Variants in ASTN1 observed in about 807,000 individuals in gnomAD.
The protein encoded by ASTN1 is astrotactin-1.
In ASTN1, 41 loss-of-function variants were observed where a neutral mutation model predicts 140.7. The ratio of observed to expected loss-of-function variants is 0.29; its 90% CI spans 0.23 to 0.38. The LOEUF is 0.38. ASTN1 is among the 10% of genes least tolerant of loss of function. The pLI is 1.00. For missense variants in ASTN1, 1,479 were observed against 1,678.8 expected, an observed-to-expected ratio of 0.88 and a Z score of 2.08; for synonymous variants, 640 against 652.2, an observed-to-expected ratio of 0.98 and a Z score of 0.29.
chr1:177,079,065 C>A (rs1206993114), intron 1 of ASTN1, among the ~76,000 whole-genome samples: 2 of 152,198 alleles, frequency 1.3e-5, no homozygotes, highest in African/African-American at 4.8e-5. Flanking sequence ...GCAACTTACT[C>A]TTTATGCTAA....
chr1:177,119,353 T>G (rs369459404), intron 1 of ASTN1, among the ~76,000 whole-genome samples: 3 of 152,224 alleles, frequency 2.0e-5, no homozygotes, highest in African/African-American at 7.2e-5. Flanking sequence ...ATTCACAGAT[T>G]GTTACATACC....
intron 1 of ASTN1, among the ~76,000 whole-genome samples, chr1:177,142,765 C>G (rs1332065944): frequency 1.3e-5 from 2 of 151,982 alleles, no homozygotes; most frequent in African/African-American, 4.8e-5. Flanking sequence ...ATTATTTAAT[C>G]CAGCAAGTTC....
intron 2 of ASTN1, among the ~76,000 whole-genome samples, chr1:177,056,037 C>T (rs1019077725): frequency 5.9e-5 from 9 of 152,106 alleles, no homozygotes; most frequent in East Asian, 1.9e-4. Flanking sequence ...AAATGAGGCA[C>T]GGCTTCAAGC....
At chr1:176,922,042 T>G (rs546455875) in intron 16 of ASTN1, among the ~76,000 whole-genome samples, 1 of 152,310 alleles carries the variant, frequency 6.6e-6, no homozygotes, top group African/African-American at 2.4e-5. Flanking sequence ...GGAAGAGAAT[T>G]CAGAGATTTG....
chr1:176,894,973 A>T, intron 16 of ASTN1, 143 bp from the exon 17 acceptor site: 1 of 1,221,186 alleles, frequency 8.2e-7, no homozygotes, highest in Non-Finnish European at 1.1e-6. Context: ...CTGCCATCCC[A>T]CTTAATTTGG....
At chr1:177,046,630 G>A (rs1677240059) in intron 2 of ASTN1, among the ~76,000 whole-genome samples, 1 of 152,144 alleles carries the variant, frequency 6.6e-6, no homozygotes, top group Admixed American at 6.5e-5. Context: ...ACCTTTTATA[G>A]TAATTTTGCT....
chr1:176,985,210 AG>A (rs2101887684), intron 8 of ASTN1, among the ~76,000 whole-genome samples: 1 of 152,252 alleles, frequency 6.6e-6, no homozygotes, highest in East Asian at 1.9e-4. Context: ...TAACATGAAA[AG>A]TCTTTTCCTA....
chr1:176,863,140 A>T lies in ASTN1; in HGVS notation c.*1144T>A. ...TGCAATCAGTGGTGCTTCCCTACAC[A>T]GAATCCCTGTGACTGGATGGGCAGT... On this transcript the variant is annotated 3_prime_UTR_variant, in exon 23 of 23. Transcript: ENST00000361833. The T allele has an allele frequency of 6.1e-6, 6 of 985,934 alleles. No homozygotes were observed. Among genetic ancestry groups the T allele is most frequent in the Non-Finnish European group, 7.2e-6 (6 of 829,952 alleles). The allele number at this position is 985,934 out of a possible 1,614,324, so 61.1% of individuals were successfully genotyped here.
intron 9 of ASTN1, among the ~76,000 whole-genome samples, chr1:176,964,875 C>A (rs1215408937): frequency 6.6e-6 from 1 of 152,078 alleles, no homozygotes; most frequent in African/African-American, 2.4e-5. Context: ...GTAATATAGC[C>A]CCATTTAACA....
chr1:177,007,942 T>C (rs1675078088), intron 8 of ASTN1, among the ~76,000 whole-genome samples: 1 of 152,240 alleles, frequency 6.6e-6, no homozygotes, highest in African/African-American at 2.4e-5. Flanking sequence ...GATGTCCTCT[T>C]AGCCTGATGT....
intron 1 of ASTN1, among the ~76,000 whole-genome samples, chr1:177,089,439 A>AAGAG (rs959935688): frequency 6.6e-6 from 1 of 152,060 alleles, no homozygotes; most frequent in African/African-American, 2.4e-5. Context: ...GAAATAGAAA[A>AAGAG]AGAGAGAGAG....
At chr1:176,985,056 T>C (rs1673820966) in intron 8 of ASTN1, among the ~76,000 whole-genome samples, 1 of 152,222 alleles carries the variant, frequency 6.6e-6, no homozygotes, top group Admixed American at 6.5e-5. Flanking sequence ...TGTGCCTTCA[T>C]GTCCCATAAG....
intron 1 of ASTN1, among the ~76,000 whole-genome samples, chr1:177,141,720 T>G (rs1682478158): frequency 1.3e-5 from 2 of 152,198 alleles, no homozygotes; most frequent in Non-Finnish European, 2.9e-5. Flanking sequence ...AAGGGATATT[T>G]TCATTTCCAA....
intron 1 of ASTN1, among the ~76,000 whole-genome samples, chr1:177,151,439 A>AT (rs1491139162): frequency 2.7e-5 from 4 of 147,540 alleles, no homozygotes; most frequent in African/African-American, 9.8e-5. Flanking sequence ...AAAAAAAAAA[A>AT]GAGAGAGAGA....
chr1:177,055,272 T>C (rs148269261), intron 2 of ASTN1, among the ~76,000 whole-genome samples: 132 of 152,288 alleles, frequency 8.7e-4, no homozygotes, highest in African/African-American at 3.0e-3. Context: ...AAGAACAAAA[T>C]AGATGAGCAA....
At chr1:177,110,043 A>T (rs531471053) in intron 1 of ASTN1, among the ~76,000 whole-genome samples, 2 of 152,144 alleles carry the variant, frequency 1.3e-5, no homozygotes, top group Non-Finnish European at 2.9e-5. Context: ...CCCTTTCTCC[A>T]TCCTTTCCCT....
intron 8 of ASTN1, among the ~76,000 whole-genome samples, chr1:177,009,303 C>T (rs1025089413): frequency 9.2e-5 from 14 of 152,138 alleles, no homozygotes; most frequent in African/African-American, 3.4e-4. Flanking sequence ...GCAAAGGTAT[C>T]CTCTCCACCA....
chr1:176,859,019 A>C (rs938563615), downstream of ASTN1, among the ~76,000 whole-genome samples: 3 of 152,238 alleles, frequency 2.0e-5, no homozygotes, highest in Non-Finnish European at 4.4e-5. Flanking sequence ...AGATTGATGA[A>C]TATTATGCAG....
At chr1:176,959,038 T>C (rs547465811) in intron 9 of ASTN1, among the ~76,000 whole-genome samples, 2 of 152,180 alleles carry the variant, frequency 1.3e-5, no homozygotes, top group Non-Finnish European at 2.9e-5. Context: ...AGGCCCAGAT[T>C]TATTCTCTGC....
Sources: allele counts gnomAD v4.1 joint callset (sites outside exome capture counted in the v4.1 genomes callset), GRCh38; gene constraint gnomAD v4.1.1; transcripts MANE v1.5; gene names NCBI Gene and HGNC (gene_info 2026-07-23, HGNC 2026-07-21).